GRM8: variants seen among roughly 807,000 people sequenced by gnomAD.
The protein encoded by GRM8 is metabotropic glutamate receptor 8.
A neutral mutation model predicts 87.2 loss-of-function variants in GRM8; 47 were observed. That is an observed-to-expected ratio of 0.54 (90% CI 0.43 to 0.69). The LOEUF (loss-of-function observed/expected upper bound fraction) is 0.69. Among genes scored for constraint, GRM8 ranks in the 30% least tolerant of loss-of-function variants. The pLI is 0.00. For synonymous variants in GRM8, 396 were observed against 404.5 expected (o/e 0.98, Z 0.25); for missense variants, 1,019 against 1,139.2 (o/e 0.89, Z 1.52).
intron 9 of GRM8, among the ~76,000 whole-genome samples, chr7:126,483,448 T>TCTCCCTCC (rs533636162): frequency 6.4e-5 from 9 of 139,618 alleles, no homozygotes; most frequent in South Asian, 2.2e-4. Context: ...TTCACTATTC[T>TCTCCCTCC]CTCCCTCCCT....
intron 3 of GRM8, chr7:126,981,708 A>G (rs535983267): frequency 1.2e-4 from 18 of 152,314 alleles, no homozygotes; most frequent in Admixed American, 1.0e-3. Context: ...TATTTAAACC[A>G]TAGCACCCTC....
intron 3 of GRM8, among the ~76,000 whole-genome samples, chr7:127,093,019 T>C (rs1824305817): frequency 6.6e-6 from 1 of 152,216 alleles, no homozygotes; most frequent in Non-Finnish European, 1.5e-5. Context: ...TATTCAAATG[T>C]GTGACCCCTA....
In GRM8 at chr7:127,138,581, G is replaced by A. The variant is rs531767913; in HGVS notation, c.511-31869C>T. ...GATCTGAATGACTTGAGGTTTAATG[G>A]GATCACAACATTTCCATTTCATTAT... is the stretch of plus-strand genomic sequence containing the variant. On this transcript the variant is annotated intron_variant, in intron 2 of 10. Coordinates refer to ENST00000339582, the MANE Select transcript of GRM8 (RefSeq NM_000845.3). Among the ~76,000 whole-genome samples the A allele has an allele frequency of 5.9e-5, 9 of 152,108 alleles. 1 individual carries two copies. In the South Asian group the frequency reaches 1.9e-3, roughly 32 times the overall value.
intron 8 of GRM8, among the ~76,000 whole-genome samples, chr7:126,561,251 T>A (rs1238419442): frequency 6.6e-6 from 1 of 152,114 alleles, no homozygotes; most frequent in African/African-American, 2.4e-5. Context: ...GGTGGGCGGA[T>A]CACGAGGTCA....
intron 8 of GRM8, among the ~76,000 whole-genome samples, chr7:126,582,895 A>C (rs1391549200): frequency 6.6e-6 from 1 of 152,184 alleles, no homozygotes; most frequent in South Asian, 2.1e-4. Flanking sequence ...ATAAAAAAAG[A>C]TTCCCTTTAA....
chr7:127,113,465 T>C (rs896389458), intron 2 of GRM8, among the ~76,000 whole-genome samples: 1 of 139,320 alleles, frequency 7.2e-6, no homozygotes, highest in Non-Finnish European at 1.7e-5. Flanking sequence ...TGAAAAAGGG[T>C]TTTTTTTTGT....
intron 8 of GRM8, among the ~76,000 whole-genome samples, chr7:126,599,083 A>G (rs547195112): frequency 1.3e-5 from 2 of 152,236 alleles, no homozygotes; most frequent in African/African-American, 4.8e-5. Flanking sequence ...CTCCTCAAAG[A>G]CAGTTATCAG....
intron 7 of GRM8, among the ~76,000 whole-genome samples, chr7:126,722,051 T>G (rs776942169): frequency 2.6e-5 from 4 of 152,298 alleles, no homozygotes; most frequent in Middle Eastern, 3.4e-3. Context: ...GAACTATGAC[T>G]GGGTATCATG....
intron 3 of GRM8, among the ~76,000 whole-genome samples, chr7:127,040,725 C>G (rs773717297): frequency 2.0e-4 from 30 of 152,262 alleles, no homozygotes; most frequent in Non-Finnish European, 2.4e-4. Context: ...GAAGATCAAA[C>G]CTGGTGTTGG....
intron 6 of GRM8, among the ~76,000 whole-genome samples, chr7:126,858,382 AG>A: frequency 6.6e-6 from 1 of 152,162 alleles, no homozygotes; most frequent in East Asian, 1.9e-4. Context: ...TTGACCTATA[AG>A]CATTGGTATG....
intron 3 of GRM8, among the ~76,000 whole-genome samples, chr7:127,072,216 A>G (rs1264850173): frequency 6.6e-6 from 1 of 152,162 alleles, no homozygotes; most frequent in Non-Finnish European, 1.5e-5. Flanking sequence ...CTCAGCAAGC[A>G]TTCTCCCTTC....
At chr7:127,008,216 T>G (rs527750767) in intron 3 of GRM8, among the ~76,000 whole-genome samples, 1 of 152,210 alleles carries the variant, frequency 6.6e-6, no homozygotes, top group East Asian at 1.9e-4. Context: ...ATTTCTCATG[T>G]AGACCCAAAT....
chr7:127,063,488 A>G (rs1472092396), intron 3 of GRM8, among the ~76,000 whole-genome samples: 1 of 152,192 alleles, frequency 6.6e-6, no homozygotes, highest in African/African-American at 2.4e-5. Context: ...AGGCAATAGG[A>G]TCACTTCAAC....
At chr7:126,477,415 G>C (rs1209385437) in intron 9 of GRM8, among the ~76,000 whole-genome samples, 1 of 151,968 alleles carries the variant, frequency 6.6e-6, no homozygotes, top group Non-Finnish European at 1.5e-5. Flanking sequence ...ACTATGTGAG[G>C]TGATGAATAT....
chr7:126,467,710 G>T (rs1422058501), intron 9 of GRM8, among the ~76,000 whole-genome samples: 1 of 151,948 alleles, frequency 6.6e-6, no homozygotes, highest in Non-Finnish European at 1.5e-5. Context: ...AATACTTAGT[G>T]TTTATCTCAG....
intron 9 of GRM8, among the ~76,000 whole-genome samples, chr7:126,509,791 A>T (rs1213997317): frequency 6.6e-6 from 1 of 152,074 alleles, no homozygotes; most frequent in Non-Finnish European, 1.5e-5. Context: ...ATATTGGAGA[A>T]ATGGGCAGGA....
chr7:126,714,311 T>TAATAAA (rs1811477647), intron 7 of GRM8, among the ~76,000 whole-genome samples: 1 of 147,716 alleles, frequency 6.8e-6, no homozygotes, highest in Admixed American at 6.8e-5. Context: ...ATAATAATAA[T>TAATAAA]AATAATAATA....
intron 9 of GRM8, among the ~76,000 whole-genome samples, chr7:126,519,265 A>G (rs1812620067): frequency 6.6e-6 from 1 of 152,080 alleles, no homozygotes; most frequent in African/African-American, 2.4e-5. Flanking sequence ...AAAATAATGG[A>G]CATCCAGATA....
chr7:126,541,851 A>G (rs548564318), intron 8 of GRM8, among the ~76,000 whole-genome samples: 5 of 152,218 alleles, frequency 3.3e-5, no homozygotes, highest in Non-Finnish European at 7.3e-5. Flanking sequence ...GAATTCTGTT[A>G]TGGGTTGAAT....
Sources: allele counts gnomAD v4.1 joint callset (sites outside exome capture counted in the v4.1 genomes callset), GRCh38; gene constraint gnomAD v4.1.1; transcripts MANE v1.5; gene names NCBI Gene and HGNC (gene_info 2026-07-23, HGNC 2026-07-21).